The following IMPA2 variants were observed in gnomAD, a reference collection of about 807,000 sequenced individuals.
IMPA2 encodes inositol monophosphatase 2.
IMPA2 carries 32 observed loss-of-function variants against 35.1 expected under a neutral mutation model. The observed-to-expected ratio is 0.91, with a 90% CI of 0.69 to 1.23. IMPA2 has a LOEUF of 1.23. IMPA2 is among the 50% of genes most tolerant of loss of function. IMPA2 has a pLI of 0.00. For missense variants in IMPA2, 334 were observed against 387.6 expected, an observed-to-expected ratio of 0.86 and a Z score of 1.16; for synonymous variants, 135 against 160.6, an observed-to-expected ratio of 0.84 and a Z score of 1.20.
In IMPA2 at chr18:12,030,679, C is replaced by T. The variant is rs1908025207; in HGVS notation, c.*221C>T. 2 of 552,178 alleles carry T rather than the reference C, an allele frequency of 3.6e-6. No homozygotes were observed. Among genetic ancestry groups the T allele is most frequent in the Non-Finnish European group, 6.5e-6 (2 of 309,384 alleles). The allele number at this position is 552,178 out of a possible 1,614,324, so 34.2% of individuals were successfully genotyped here. A position where few individuals can be genotyped will look rare whatever the true frequency, so the allele number is the denominator to read the frequency against. On this transcript the variant is annotated 3_prime_UTR_variant, in exon 8 of 8. Transcript: ENST00000269159. ...GTTTCTCTCTTTAATCTCACGTAGC[C>T]TTTTTCAGGTTAGTACGTGTTCTTC...
intron 4 of IMPA2, among the ~76,000 whole-genome samples, chr18:12,013,752 G>A (rs902403275): frequency 6.6e-5 from 10 of 152,172 alleles, no homozygotes; most frequent in Non-Finnish European, 1.0e-4. Flanking sequence ...ACTGTTCAGC[G>A]CACTGCCTGC....
At chr18:12,002,528 C>T (rs1469432322) in intron 2 of IMPA2, among the ~76,000 whole-genome samples, 1 of 152,078 alleles carries the variant, frequency 6.6e-6, no homozygotes, top group Non-Finnish European at 1.5e-5. Flanking sequence ...AATACTAGCA[C>T]TTCAGGAGCC....
chr18:11,990,435 T>C (rs1279853464), intron 1 of IMPA2, among the ~76,000 whole-genome samples: 1 of 151,430 alleles, frequency 6.6e-6, no homozygotes, highest in African/African-American at 2.4e-5. Flanking sequence ...TCGGGGCCAA[T>C]AGAGAAGATG....
chr18:11,996,948 A>T (rs1351931966), intron 1 of IMPA2, among the ~76,000 whole-genome samples: 1 of 151,828 alleles, frequency 6.6e-6, no homozygotes, highest in Non-Finnish European at 1.5e-5. Context: ...CGATACACAC[A>T]CACCCAGAGA....
At chr18:12,013,452 G>T (rs113087488) in intron 4 of IMPA2, among the ~76,000 whole-genome samples, 1 of 152,320 alleles carries the variant, frequency 6.6e-6, no homozygotes, top group African/African-American at 2.4e-5. Flanking sequence ...GTAGCTTGGG[G>T]TGTCCACTCT....
intron 1 of IMPA2, among the ~76,000 whole-genome samples, chr18:11,992,404 A>T (rs1906842444): frequency 6.6e-6 from 1 of 152,238 alleles, no homozygotes; most frequent in Admixed American, 6.5e-5. Flanking sequence ...TCCAGAGCAC[A>T]TGCCAGCTGC....
At chr18:12,018,803 A>G (rs147205817) in intron 5 of IMPA2, among the ~76,000 whole-genome samples, 7 of 152,162 alleles carry the variant, frequency 4.6e-5, no homozygotes, top group African/African-American at 1.4e-4. Flanking sequence ...ATCTGTTATA[A>G]TAAGTTGTTT....
chr18:12,022,941 A>ATTTTTTTTTTTTTTTTTTTTTTTT (rs35737614), intron 5 of IMPA2, among the ~76,000 whole-genome samples: 1 of 81,672 alleles, frequency 1.2e-5, no homozygotes, highest in African/African-American at 4.4e-5. Context: ...CGCCTGCCTA[A>ATTTTTTTTTTTTTTTTTTTTTTTT]TTTTTTTTTT....
intron 5 of IMPA2, among the ~76,000 whole-genome samples, chr18:12,022,135 T>C (rs1907747027): frequency 6.6e-6 from 1 of 152,208 alleles, no homozygotes; most frequent in Admixed American, 6.6e-5. Flanking sequence ...CAGCACTATA[T>C]AATCTCCAAA....
intron 6 of IMPA2, chr18:12,028,359 T>C: frequency 1.8e-6 from 1 of 560,254 alleles, no homozygotes; most frequent in Non-Finnish European, 3.2e-6. Flanking sequence ...CGTGGGCACC[T>C]GTGTTGCTTC....
At chr18:11,984,197 T>C (rs647077) in intron 1 of IMPA2, among the ~76,000 whole-genome samples, 38,977 of 152,086 alleles carry the variant, frequency 0.26, 5,304 homozygotes, top group African/African-American at 0.35. Flanking sequence ...CTGCCCCAGT[T>C]CTGGCAGGCT....
intron 1 of IMPA2, chr18:11,994,144 C>G (rs1014378008): frequency 1.3e-5 from 2 of 152,058 alleles, no homozygotes; most frequent in African/African-American, 4.8e-5. Context: ...GAGGCCGAGG[C>G]GGGAGGATCA....
chr18:11,994,778 G>C (rs79581711), intron 1 of IMPA2: 2,425 of 152,544 alleles, frequency 0.016, 64 homozygotes, highest in African/African-American at 0.055. Context: ...CAGAGACAGA[G>C]AGGGTAGGGT....
chr18:12,008,645 G>C, intron 2 of IMPA2: 1 of 436,330 alleles, frequency 2.3e-6, no homozygotes, highest in Non-Finnish European at 4.6e-6. Context: ...GTGGGCCTGC[G>C]TGTGGGTGGG....
intron 2 of IMPA2, among the ~76,000 whole-genome samples, chr18:12,001,014 G>A (rs942668275): frequency 6.6e-6 from 1 of 151,028 alleles, no homozygotes; most frequent in Non-Finnish European, 1.5e-5. Context: ...GGCGGATCAC[G>A]AGTGAGGAGT....
chr18:12,028,897 G>T lies in IMPA2; in HGVS notation c.655G>T (p.Ala219Ser). The change falls in exon 7 of 8, where the codon GCG (alanine) becomes TCG (serine). Residue 219 changes from alanine (A) to serine (S), a missense_variant. Transcript: ENST00000269159. ...LALCHLASGA[A>S]DAYYQFGLHC... ...ACTCTGCCACCTGGCCTCAGGGGCC[G>T]CGGATGCCTATTACCAGTTTGGCCT... 1 of 1,614,158 alleles carries T rather than the reference G, an allele frequency of 6.2e-7. No homozygotes were observed. The highest frequency in any genetic ancestry group is 1.1e-5 in the South Asian group (1 of 91,082).
chr18:11,993,692 C>T (rs558442503), intron 1 of IMPA2, among the ~76,000 whole-genome samples: 5 of 152,182 alleles, frequency 3.3e-5, no homozygotes, highest in Non-Finnish European at 5.9e-5. Flanking sequence ...GCCACACGGG[C>T]GACCTCCTGG....
At chr18:11,995,059 GA>G (rs1472236779) in intron 1 of IMPA2, 1 of 152,404 alleles carries the variant, frequency 6.6e-6, no homozygotes, top group East Asian at 1.9e-4. Context: ...GAGGGGAGGG[GA>G]GCTGAGAAAG....
chr18:12,014,388 G>C lies in IMPA2; in HGVS notation c.490+15G>C. On this transcript the variant is annotated intron_variant, in intron 5 of 7. Transcript: ENST00000269159. ...CGGGGAGACAGGTGGGCTTCACAAC[G>C]CTCGTCTCAGTTTACTTCTGAAATA... The C allele has an allele frequency of 2.0e-6, 3 of 1,475,886 alleles. No individual in the cohort carries two copies. Among genetic ancestry groups the C allele is most frequent in the Non-Finnish European group, 2.8e-6 (3 of 1,079,252 alleles). The allele number at this position is 1,475,886 out of a possible 1,614,324, so 91.4% of individuals were successfully genotyped here. A position where few individuals can be genotyped will look rare whatever the true frequency, so the allele number is the denominator to read the frequency against.
Sources: gnomAD v4.1 joint callset for allele counts (sites outside exome capture counted in the v4.1 genomes callset) on GRCh38, gnomAD v4.1.1 for gene constraint, MANE v1.5 for transcripts, NCBI Gene and HGNC (gene_info 2026-07-23, HGNC 2026-07-21) for gene names.